Variants in NEK11 observed in about 807,000 individuals in gnomAD.
NEK11 encodes the protein serine/threonine-protein kinase Nek11.
A neutral mutation model predicts 80.7 loss-of-function variants in NEK11; 72 were observed. The observed-to-expected ratio is 0.89, with a 90% confidence interval of 0.74 to 1.08. NEK11 has a LOEUF of 1.08. Ranked by LOEUF, NEK11 falls within the 50% of genes least tolerant of loss-of-function variation. The probability of loss-of-function intolerance (pLI) is 0.00; values close to 1 mark genes in which losing one functional copy is unlikely to be tolerated. For missense variants in NEK11, 764 were observed against 763.6 expected, an observed-to-expected ratio of 1.00 and a Z score of -0.01; for synonymous variants, 251 against 260.7, an observed-to-expected ratio of 0.96 and a Z score of 0.36.
At chr3:131,298,380 C>T (rs1306654840) in intron 17 of NEK11, among the ~76,000 whole-genome samples, 3 of 151,942 alleles carry the variant, frequency 2.0e-5, no homozygotes, top group South Asian at 2.1e-4. Context: ...AGGTCCTTCA[C>T]GTCCCTTGTA....
intron 11 of NEK11, among the ~76,000 whole-genome samples, chr3:131,164,005 A>G (rs1195621614): frequency 1.3e-5 from 2 of 152,218 alleles, no homozygotes; most frequent in African/African-American, 4.8e-5. Flanking sequence ...ACCTGAACAC[A>G]AATCTACGCA....
At chr3:131,249,063 T>C (rs1439213775) in intron 16 of NEK11, among the ~76,000 whole-genome samples, 8 of 151,706 alleles carry the variant, frequency 5.3e-5, no homozygotes, top group Admixed American at 1.3e-4. Context: ...AAAATACACA[T>C]TTATCTCTGC....
intron 17 of NEK11, among the ~76,000 whole-genome samples, chr3:131,333,025 C>A (rs1180055961): frequency 6.6e-6 from 1 of 152,136 alleles, no homozygotes; most frequent in Non-Finnish European, 1.5e-5. Flanking sequence ...AGAATGGAAC[C>A]AAGTTGGAAA....
At chr3:131,307,783 T>C (rs1209176494) in intron 17 of NEK11, among the ~76,000 whole-genome samples, 3 of 152,220 alleles carry the variant, frequency 2.0e-5, no homozygotes, top group Admixed American at 6.5e-5. Flanking sequence ...CACAGCAATA[T>C]CTTCAATAGT....
chr3:131,297,218 A>T (rs1007066302), intron 17 of NEK11, among the ~76,000 whole-genome samples: 24 of 151,336 alleles, frequency 1.6e-4, no homozygotes, highest in African/African-American at 5.8e-4. Context: ...CTAGTTCTAG[A>T]TCCCTGAGGA....
chr3:131,165,379 T>C, intron 11 of NEK11, 47 bp from the exon 12 acceptor site: 1 of 1,175,004 alleles, frequency 8.5e-7, no homozygotes. Flanking sequence ...ATAGACATGG[T>C]TTTAGCAATT....
intron 16 of NEK11, among the ~76,000 whole-genome samples, chr3:131,244,112 A>G (rs1415818326): frequency 6.6e-6 from 1 of 151,960 alleles, no homozygotes; most frequent in African/African-American, 2.4e-5. Context: ...TTTTTCTTCT[A>G]AATTTGATTA....
rs146430016 is a variant in NEK11, at chr3:131,348,353, G to A, written c.1719-1204G>A. Among the ~76,000 whole-genome samples the A allele has an allele frequency of 3.2e-3, 488 of 152,132 alleles. 2 individuals carry two copies. The highest frequency in any genetic ancestry group is 0.011 in the African/African-American group (460 of 41,514). On this transcript the variant is annotated intron_variant, in intron 17 of 17. Coordinates refer to ENST00000383366, the MANE Select transcript of NEK11 (RefSeq NM_024800.5). ...GGAACAATATGGAGCCATTAAAAAC[G>A]ACAACCGTGAAGAACCGCAAAACAA...
intron 16 of NEK11, among the ~76,000 whole-genome samples, chr3:131,266,807 T>C (rs1443125654): frequency 1.3e-5 from 2 of 151,922 alleles, no homozygotes; most frequent in African/African-American, 4.8e-5. Flanking sequence ...TCTCTCACTA[T>C]TATTGTGTGT....
intron 17 of NEK11, among the ~76,000 whole-genome samples, chr3:131,346,287 A>G (rs1301537015): frequency 6.6e-6 from 1 of 152,236 alleles, no homozygotes; most frequent in Admixed American, 6.5e-5. Flanking sequence ...CCAAAACATC[A>G]TGTTGTAAAC....
At chr3:131,086,250 C>T (rs1266916126) in intron 4 of NEK11, among the ~76,000 whole-genome samples, 1 of 151,966 alleles carries the variant, frequency 6.6e-6, no homozygotes, top group East Asian at 1.9e-4. Context: ...TTAATAATAG[C>T]CTGTTTCTTT....
At chr3:131,228,285 T>C (rs140176728) in intron 14 of NEK11, among the ~76,000 whole-genome samples, 2 of 152,308 alleles carry the variant, frequency 1.3e-5, no homozygotes, top group East Asian at 3.9e-4. Context: ...TTTAATGATT[T>C]TTTTCTTACC....
intron 14 of NEK11, among the ~76,000 whole-genome samples, chr3:131,172,207 G>A (rs374425441): frequency 7.2e-5 from 11 of 152,226 alleles, no homozygotes; most frequent in African/African-American, 2.7e-4. Context: ...AGAGAATGCA[G>A]AGATGGATTT....
At chr3:131,208,495 G>A (rs1193046325) in intron 14 of NEK11, among the ~76,000 whole-genome samples, 1 of 152,152 alleles carries the variant, frequency 6.6e-6, no homozygotes, top group African/African-American at 2.4e-5. Context: ...TTCCAATTCT[G>A]TGAAGAAAGT....
intron 7 of NEK11, among the ~76,000 whole-genome samples, chr3:131,139,313 A>T (rs574734297): frequency 6.6e-6 from 1 of 150,732 alleles, no homozygotes; most frequent in Admixed American, 6.7e-5. Context: ...CGAAGACAGG[A>T]TATTGGAAAA....
intron 17 of NEK11, among the ~76,000 whole-genome samples, chr3:131,331,988 C>T (rs1289768752): frequency 6.6e-6 from 1 of 152,236 alleles, no homozygotes; most frequent in Non-Finnish European, 1.5e-5. Context: ...GAGCCCACCA[C>T]AGCTCAAGGA....
chr3:131,215,419 T>C lies in NEK11; in HGVS notation c.1400-13109T>C, dbSNP rs576471126. On this transcript the variant is annotated intron_variant, in intron 14 of 17. Transcript: ENST00000383366. ...CACATGTACCCTAGAACTTAAAGTA[T>C]AACAAAAAAATATATAAAAAAAAAA... Among the ~76,000 whole-genome samples, 3 of 151,504 alleles carry C rather than the reference T, an allele frequency of 2.0e-5. No homozygotes were observed. In the East Asian group the frequency reaches 5.8e-4, roughly 30 times the overall value.
chr3:131,168,796 C>T (rs748229730), intron 12 of NEK11, 34 bp from the exon 13 acceptor site: 2 of 1,521,242 alleles, frequency 1.3e-6, no homozygotes, highest in South Asian at 1.2e-5. Flanking sequence ...CTTGGAAAAC[C>T]ACTGCTGAAC....
At chr3:131,273,835 C>T (rs2108690513) in intron 17 of NEK11, among the ~76,000 whole-genome samples, 1 of 152,324 alleles carries the variant, frequency 6.6e-6, no homozygotes, top group Non-Finnish European at 1.5e-5. Flanking sequence ...AGCACATTCT[C>T]ATCCATGCTA....
Sources: allele counts gnomAD v4.1 joint callset (sites outside exome capture counted in the v4.1 genomes callset), GRCh38; gene constraint gnomAD v4.1.1; transcripts MANE v1.5; gene names NCBI Gene and HGNC (gene_info 2026-07-23, HGNC 2026-07-21).